Variants in CLIC5 observed in about 807,000 individuals in gnomAD.
CLIC5 encodes CLIC family member 5, also known as chloride intracellular channel protein 5.
CLIC5 carries 20 observed loss-of-function variants against 24.7 expected under a neutral mutation model. That is an observed-to-expected ratio of 0.81 (90% confidence interval 0.57 to 1.18). The LOEUF (loss-of-function observed/expected upper bound fraction) is 1.18. CLIC5 is among the 50% of genes most tolerant of loss of function. The pLI is 0.00. For missense variants in CLIC5, 341 were observed against 326.1 expected (o/e 1.05, Z -0.35); for synonymous variants, 159 against 135.6 (o/e 1.17, Z -1.20).
chr6:45,960,392 A>G (rs2127392890), intron 1 of CLIC5, among the ~76,000 whole-genome samples: 1 of 152,174 alleles, frequency 6.6e-6, no homozygotes, highest in African/African-American at 2.4e-5. Flanking sequence ...GAACAGGGGG[A>G]ATTTCTTTAA....
chr6:46,105,639 C>G, the CLIC5 span, among the ~76,000 whole-genome samples: 23 of 152,312 alleles, frequency 1.5e-4, no homozygotes, highest in African/African-American at 5.3e-4. Context: ...CCACTCACCC[C>G]CTTTTGAAGT....
chr6:46,125,461 G>C, the CLIC5 span, among the ~76,000 whole-genome samples: 1 of 152,118 alleles, frequency 6.6e-6, no homozygotes, highest in Non-Finnish European at 1.5e-5. Context: ...AGCATTAGGA[G>C]ATATACATAA....
the CLIC5 span, among the ~76,000 whole-genome samples, chr6:46,126,720 C>T: frequency 1.7e-4 from 26 of 152,268 alleles, no homozygotes; most frequent in African/African-American, 6.0e-4. Context: ...AAATACTCTC[C>T]TTGACATTCA....
the CLIC5 span, among the ~76,000 whole-genome samples, chr6:46,117,489 G>T: frequency 2.4e-4 from 36 of 152,346 alleles, no homozygotes; most frequent in Admixed American, 2.1e-3. Flanking sequence ...CAATTAAAAT[G>T]TATAGCTCTT....
At chr6:45,905,016 G>A (rs566624032) in intron 5 of CLIC5, among the ~76,000 whole-genome samples, 3 of 152,114 alleles carry the variant, frequency 2.0e-5, no homozygotes, top group South Asian at 4.2e-4. Context: ...TTAGGATAAT[G>A]GCCTCCAGCT....
At chr6:46,108,441 G>A in the CLIC5 span, among the ~76,000 whole-genome samples, 6 of 150,754 alleles carry the variant, frequency 4.0e-5, no homozygotes, top group Non-Finnish European at 7.4e-5. Flanking sequence ...TTGTTGCCCA[G>A]GCTGGAGTGC....
At chr6:46,081,999 T>G (rs1384723234), upstream of CLIC5, among the ~76,000 whole-genome samples, 1 of 152,260 alleles carries the variant, frequency 6.6e-6, no homozygotes, top group Non-Finnish European at 1.5e-5. Flanking sequence ...GCATATTGTA[T>G]ATACATATGC....
intron 1 of CLIC5, among the ~76,000 whole-genome samples, chr6:46,009,793 C>T (rs1163915448): frequency 6.6e-6 from 1 of 152,128 alleles, no homozygotes; most frequent in African/African-American, 2.4e-5. Context: ...GGCCTGGCTA[C>T]CAGGAGCCTT....
intron 4 of CLIC5, among the ~76,000 whole-genome samples, chr6:45,928,303 T>G (rs1207299506): frequency 6.6e-6 from 1 of 152,246 alleles, no homozygotes; most frequent in African/African-American, 2.4e-5. Context: ...CTGAAGCTTT[T>G]GCTAGAAGGT....
At chr6:46,060,472 GC>G (rs1351033871) in intron 1 of CLIC5, among the ~76,000 whole-genome samples, 2 of 152,114 alleles carry the variant, frequency 1.3e-5, no homozygotes, top group Admixed American at 6.5e-5. Context: ...CTTATTTTGT[GC>G]CTAGAATTTT....
chr6:45,980,523 A>C (rs2127413542), intron 1 of CLIC5, among the ~76,000 whole-genome samples: 1 of 152,194 alleles, frequency 6.6e-6, no homozygotes, highest in South Asian at 2.1e-4. Context: ...CATGGAATTT[A>C]CCCATGTAAC....
At chr6:46,085,421 T>G in the CLIC5 span, among the ~76,000 whole-genome samples, 1 of 152,226 alleles carries the variant, frequency 6.6e-6, no homozygotes, top group Non-Finnish European at 1.5e-5. Context: ...ACTTTTGGTC[T>G]TTGATGATGG....
intron 4 of CLIC5, among the ~76,000 whole-genome samples, chr6:45,918,664 T>A (rs1026292087): frequency 3.9e-5 from 6 of 152,226 alleles, no homozygotes; most frequent in Non-Finnish European, 8.8e-5. Flanking sequence ...CCGTTGTCTG[T>A]AGATTGGATG....
At chr6:46,009,168 T>C (rs907678711) in intron 1 of CLIC5, among the ~76,000 whole-genome samples, 1 of 150,624 alleles carries the variant, frequency 6.6e-6, no homozygotes. Flanking sequence ...ATGGGAAGAG[T>C]CTTTGAATCC....
intron 1 of CLIC5, among the ~76,000 whole-genome samples, chr6:46,058,215 C>A (rs1284370234): frequency 2.6e-5 from 4 of 151,952 alleles, no homozygotes; most frequent in African/African-American, 9.7e-5. Context: ...TTTTAACTAC[C>A]CAGAGAGATA....
chr6:45,889,426 G>GCATATAATTCAGCATATA (rs1762330942), intron 6 of CLIC5, among the ~76,000 whole-genome samples: 1 of 152,096 alleles, frequency 6.6e-6, no homozygotes, highest in Non-Finnish European at 1.5e-5. Flanking sequence ...ATTTTGGGGG[G>GCATATAATTCAGCATATA]AACACATTCA....
chr6:46,026,806 A>G (rs1168739788), intron 1 of CLIC5, among the ~76,000 whole-genome samples: 3 of 152,170 alleles, frequency 2.0e-5, no homozygotes, highest in Non-Finnish European at 4.4e-5. Context: ...ATTTCCAGCT[A>G]AGTAGACACA....
At chr6:46,120,031 G>T in the CLIC5 span, among the ~76,000 whole-genome samples, 1 of 152,208 alleles carries the variant, frequency 6.6e-6, no homozygotes, top group Admixed American at 6.5e-5. Context: ...ACAAAAGGCA[G>T]CAAAAACCTC....
chr6:45,989,626 C>T (rs1765861492), intron 1 of CLIC5, among the ~76,000 whole-genome samples: 1 of 152,154 alleles, frequency 6.6e-6, no homozygotes. Flanking sequence ...GCCCACCTTG[C>T]TCTTTATAGC....
Sources: allele counts gnomAD v4.1 joint callset (sites outside exome capture counted in the v4.1 genomes callset), GRCh38; gene constraint gnomAD v4.1.1; transcripts MANE v1.5; gene names NCBI Gene and HGNC (gene_info 2026-07-23, HGNC 2026-07-21).